The following RIMS2 variants were observed in gnomAD, a reference collection of about 807,000 sequenced individuals.
RIMS2 encodes the protein regulating synaptic membrane exocytosis 2.
A neutral mutation model predicts 174.4 loss-of-function variants in RIMS2; 59 were observed. The ratio of observed to expected loss-of-function variants is 0.34; its 90% CI spans 0.27 to 0.42. The LOEUF (loss-of-function observed/expected upper bound fraction) is 0.42, where lower values mean the gene tolerates loss of function less well. Among genes scored for constraint, RIMS2 ranks in the 10% least tolerant of loss-of-function variants. The pLI is 1.00. For synonymous variants in RIMS2, 606 were observed against 572.5 expected, an observed-to-expected ratio of 1.06 and a Z score of -0.84; for missense variants, 1,620 against 1,666.3, an observed-to-expected ratio of 0.97 and a Z score of 0.48.
chr8:103,941,194 A>G, intron 13 of RIMS2, among the ~76,000 whole-genome samples: 1 of 152,170 alleles, frequency 6.6e-6, no homozygotes, highest in East Asian at 1.9e-4. Flanking sequence ...AGGAAGAATG[A>G]AACAACTCCA....
chr8:103,648,433 G>A (rs1364043771), intron 1 of RIMS2, among the ~76,000 whole-genome samples: 3 of 152,104 alleles, frequency 2.0e-5, no homozygotes, highest in African/African-American at 7.2e-5. Context: ...TTCCTTGGTG[G>A]AGTTCTGTAG....
chr8:104,062,393 C>A (rs2097016547), intron 19 of RIMS2, among the ~76,000 whole-genome samples: 2 of 152,056 alleles, frequency 1.3e-5, no homozygotes, highest in South Asian at 4.1e-4. Flanking sequence ...GGCAACAGAG[C>A]AAAACTCCAT....
At chr8:103,792,311 C>T (rs7829973) in intron 3 of RIMS2, among the ~76,000 whole-genome samples, 4 of 152,294 alleles carry the variant, frequency 2.6e-5, no homozygotes, top group African/African-American at 9.6e-5. Flanking sequence ...CAACCTGCTC[C>T]TGAATGACTA....
intron 15 of RIMS2, among the ~76,000 whole-genome samples, chr8:103,972,147 T>C (rs1338811389): frequency 1.3e-5 from 2 of 152,060 alleles, no homozygotes; most frequent in African/African-American, 4.8e-5. Context: ...TAAATTCTTA[T>C]AGTTTACTGC....
At chr8:103,609,173 C>T (rs2095274212) in intron 1 of RIMS2, among the ~76,000 whole-genome samples, 1 of 152,168 alleles carries the variant, frequency 6.6e-6, no homozygotes, top group Non-Finnish European at 1.5e-5. Flanking sequence ...AGTGCCGGTT[C>T]ATGTCTTTTA....
chr8:103,503,307 C>T (rs886197173), intron 1 of RIMS2, among the ~76,000 whole-genome samples: 4 of 150,436 alleles, frequency 2.7e-5, no homozygotes, highest in Middle Eastern at 6.8e-3. Context: ...TTTTTTTTAA[C>T]GAAAGAGTAG....
intron 19 of RIMS2, among the ~76,000 whole-genome samples, chr8:104,197,686 G>C (rs999852720): frequency 3.3e-5 from 5 of 152,138 alleles, no homozygotes; most frequent in Admixed American, 2.6e-4. Flanking sequence ...TTTTGCGAGG[G>C]TGGTTTAAGC....
chr8:103,792,541 A>C (rs541621684), intron 3 of RIMS2, among the ~76,000 whole-genome samples: 14 of 152,274 alleles, frequency 9.2e-5, no homozygotes, highest in African/African-American at 3.4e-4. Flanking sequence ...CACACTCAAA[A>C]GCTAGCAGAA....
chr8:103,820,802 T>C (rs1364242592), intron 3 of RIMS2, among the ~76,000 whole-genome samples: 3 of 151,786 alleles, frequency 2.0e-5, no homozygotes, highest in African/African-American at 4.8e-5. Context: ...TCAAACAGTA[T>C]ATGAAATGTT....
At chr8:103,741,193 A>T (rs1030793928) in intron 2 of RIMS2, among the ~76,000 whole-genome samples, 1 of 152,078 alleles carries the variant, frequency 6.6e-6, no homozygotes, top group Non-Finnish European at 1.5e-5. Context: ...GACAAAAGGG[A>T]CTGGTTTTCT....
intron 3 of RIMS2, among the ~76,000 whole-genome samples, chr8:103,829,499 A>G (rs1489633185): frequency 6.6e-6 from 1 of 152,214 alleles, no homozygotes; most frequent in African/African-American, 2.4e-5. Context: ...TGAAGAAAAT[A>G]TACACATACA....
At chr8:103,951,024 A>G (rs776028069) in intron 14 of RIMS2, among the ~76,000 whole-genome samples, 2 of 152,244 alleles carry the variant, frequency 1.3e-5, no homozygotes, top group Non-Finnish European at 2.9e-5. Context: ...ATTCACCACA[A>G]TCAAGTATTC....
At chr8:104,085,342 A>C (rs556172304) in intron 19 of RIMS2, among the ~76,000 whole-genome samples, 1 of 152,316 alleles carries the variant, frequency 6.6e-6, no homozygotes. Flanking sequence ...AGAAAAGGGA[A>C]AGACATATGG....
exon 14 of RIMS2, chr8:103,942,842 G>A (rs753113124): frequency 3.1e-6 from 5 of 1,612,704 alleles, no homozygotes; most frequent in Admixed American, 3.3e-5. Flanking sequence ...GACGCATGAT[G>A]TCTCTTCATT....
chr8:103,749,151 G>T, intron 2 of RIMS2, among the ~76,000 whole-genome samples: 1 of 141,680 alleles, frequency 7.1e-6, no homozygotes, highest in African/African-American at 2.6e-5. Context: ...TCCCTCTGTT[G>T]TCCAGGCTGT....
chr8:103,609,110 T>C (rs996931530), intron 1 of RIMS2, among the ~76,000 whole-genome samples: 1 of 152,234 alleles, frequency 6.6e-6, no homozygotes, highest in East Asian at 1.9e-4. Context: ...TGATTAGTGA[T>C]GTTGAGCATT....
At chr8:103,610,710 G>A (rs1472509398) in intron 1 of RIMS2, among the ~76,000 whole-genome samples, 4 of 152,140 alleles carry the variant, frequency 2.6e-5, no homozygotes, top group Admixed American at 6.5e-5. Context: ...GCTTTTGGAT[G>A]TGCTGCTGGA....
chr8:103,504,067 A>C (rs1027730827), intron 1 of RIMS2, among the ~76,000 whole-genome samples: 2 of 152,124 alleles, frequency 1.3e-5, no homozygotes, highest in African/African-American at 2.4e-5. Context: ...TAGAACCCTA[A>C]TCAGTAATTA....
chr8:103,808,890 T>C (rs548409537), intron 3 of RIMS2, among the ~76,000 whole-genome samples: 19 of 152,270 alleles, frequency 1.2e-4, no homozygotes, highest in Non-Finnish European at 2.1e-4. Flanking sequence ...TATTTTGGGG[T>C]ATTTATGGTT....
Sources: allele counts gnomAD v4.1 joint callset (sites outside exome capture counted in the v4.1 genomes callset), GRCh38; gene constraint gnomAD v4.1.1; transcripts MANE v1.5; gene names NCBI Gene and HGNC (gene_info 2026-07-23, HGNC 2026-07-21).